The following ADGRL2 variants were observed in gnomAD, a reference collection of about 807,000 sequenced individuals.
The protein encoded by ADGRL2 is calcium-independent alpha-latrotoxin receptor 2.
In ADGRL2, 44 loss-of-function variants were observed where a neutral mutation model predicts 157.4. The ratio of observed to expected loss-of-function variants is 0.28; its 90% CI spans 0.22 to 0.36. ADGRL2 has a LOEUF of 0.36. ADGRL2 is among the 10% of genes least tolerant of loss of function. The pLI, the probability that ADGRL2 is intolerant of heterozygous loss-of-function variation, is 1.00. For missense variants in ADGRL2, 1,510 were observed against 1,768.9 expected (o/e 0.85, Z 2.63); for synonymous variants, 585 against 624.7 (o/e 0.94, Z 0.95).
At chr1:81,599,564 G>A (rs1282820502) in intron 3 of ADGRL2, among the ~76,000 whole-genome samples, 1 of 152,028 alleles carries the variant, frequency 6.6e-6, no homozygotes, top group East Asian at 1.9e-4. Context: ...TTTCTTCTTG[G>A]GTGAAAAATA....
At chr1:81,720,177 T>C (rs1054249729) in intron 1 of ADGRL2, among the ~76,000 whole-genome samples, 5 of 145,876 alleles carry the variant, frequency 3.4e-5, no homozygotes, top group South Asian at 4.6e-4. Context: ...ATTCCTTTTT[T>C]TCTTTTCTTT....
At chr1:81,920,816 C>T (rs530398204) in intron 3 of ADGRL2, among the ~76,000 whole-genome samples, 2 of 148,668 alleles carry the variant, frequency 1.3e-5, no homozygotes, top group South Asian at 4.3e-4. Flanking sequence ...AGTGCTAATA[C>T]ATTATAGGAA....
At chr1:81,672,373 A>C (rs1278626153) in intron 3 of ADGRL2, among the ~76,000 whole-genome samples, 1 of 152,182 alleles carries the variant, frequency 6.6e-6, no homozygotes, top group Non-Finnish European at 1.5e-5. Context: ...GTAACTTTCT[A>C]ACTATTCAAG....
At chr1:81,414,855 G>T (rs2077007098) in intron 1 of ADGRL2, among the ~76,000 whole-genome samples, 2 of 152,072 alleles carry the variant, frequency 1.3e-5, no homozygotes, top group East Asian at 3.9e-4. Context: ...TTTATAATTC[G>T]ATTTCACTCT....
Position 81,981,925 on chromosome 1 carries a change from T to C in ADGRL2, c.3231T>C (p.Asn1077=). ...TGGCATATCTCTTCACTATATTTAATGCTTTCCAGGGAGTGTTCATTTTCA... is the reference window on the plus strand; with the variant it reads ...TGGCATATCTCTTCACTATATTTAACGCTTTCCAGGGAGTGTTCATTTTCA... ...IVMAYLFTIF[N]AFQGVFIFIF... The change falls in exon 19 of 24, where the codon AAT becomes AAC. Residue 1077 remains asparagine (N), a synonymous_variant. Coordinates refer to ENST00000686636, the MANE Select transcript of ADGRL2 (RefSeq NM_001366006.2). 1 of 1,612,444 alleles carries C rather than the reference T, an allele frequency of 6.2e-7. No individual in the cohort carries two copies. The highest frequency in any genetic ancestry group is 8.5e-7 in the Non-Finnish European group (1 of 1,178,918).
At chr1:81,866,999 T>G (rs1051707368) in intron 2 of ADGRL2, among the ~76,000 whole-genome samples, 6 of 152,132 alleles carry the variant, frequency 3.9e-5, no homozygotes, top group Non-Finnish European at 8.8e-5. Context: ...AAGTAAGTGC[T>G]TCATTACTGG....
intron 1 of ADGRL2, among the ~76,000 whole-genome samples, chr1:81,399,348 T>C (rs965224963): frequency 5.3e-5 from 8 of 152,236 alleles, no homozygotes; most frequent in African/African-American, 1.9e-4. Context: ...TTTTCAGCTA[T>C]AATTTTATTA....
At chr1:81,718,307 C>T (rs1443449962) in intron 1 of ADGRL2, among the ~76,000 whole-genome samples, 3 of 152,140 alleles carry the variant, frequency 2.0e-5, no homozygotes, top group Non-Finnish European at 2.9e-5. Flanking sequence ...CGTGAGCCAC[C>T]GCATTTTGGG....
Position 81,990,422 on chromosome 1 carries a change from T to C in ADGRL2, c.3687T>C (p.Ser1229=), listed in dbSNP as rs372301182. The C allele has an allele frequency of 2.5e-6, 4 of 1,613,810 alleles. No individual in the cohort carries two copies. In the African/African-American group the frequency reaches 5.3e-5, roughly 22 times the overall value. Residue 1229 remains serine (S), a synonymous_variant, in exon 24 of 24, where the codon AGT becomes AGC. Coordinates refer to ENST00000686636, the MANE Select transcript of ADGRL2 (RefSeq NM_001366006.2). ...RHSLNNARDT[S]AMDTLPLNGN... is the part of the protein sequence containing the mutation. ...CACTGAACAATGCCAGGGATACAAG[T>C]GCCATGGATACTCTACCGCTAAATG...
At chr1:81,629,695 G>GTA (rs1260242389) in intron 3 of ADGRL2, among the ~76,000 whole-genome samples, 1 of 144,650 alleles carries the variant, frequency 6.9e-6, no homozygotes, top group Non-Finnish European at 1.5e-5. Flanking sequence ...GTGTGTGTGT[G>GTA]TGTATGTAGA....
chr1:81,792,752 G>C (rs1018587431), intron 2 of ADGRL2, among the ~76,000 whole-genome samples: 1 of 151,878 alleles, frequency 6.6e-6, no homozygotes, highest in Admixed American at 6.6e-5. Flanking sequence ...TAAGGAAACA[G>C]TATTTACAAT....
At chr1:81,825,459 C>T (rs919800676) in intron 1 of ADGRL2, among the ~76,000 whole-genome samples, 4 of 151,940 alleles carry the variant, frequency 2.6e-5, no homozygotes, top group African/African-American at 9.7e-5. Context: ...AGTGATTCCC[C>T]TGCCTCAGCC....
At chr1:81,657,009 CAAAAA>C (rs11383698) in intron 3 of ADGRL2, among the ~76,000 whole-genome samples, 1 of 109,272 alleles carries the variant, frequency 9.2e-6, no homozygotes. Flanking sequence ...GACCCTGTCT[CAAAAA>C]AAAAAAAAAA....
chr1:81,650,557 A>C (rs915828648), intron 3 of ADGRL2, among the ~76,000 whole-genome samples: 4 of 149,582 alleles, frequency 2.7e-5, no homozygotes, highest in Non-Finnish European at 5.9e-5. Context: ...GCCTGGCAAC[A>C]GAGTGAGACT....
intron 8 of ADGRL2, among the ~76,000 whole-genome samples, chr1:81,951,506 GGCATTAGTAACTTTAATATTGCAGT>G (rs896567104): frequency 1.1e-4 from 16 of 152,122 alleles, no homozygotes; most frequent in South Asian, 4.2e-4. Flanking sequence ...TACTTTAAAA[GGCATTAGTAACTTTAATATTGCAGT>G]GTAATGCAAT....
chr1:81,457,308 C>T (rs536953853), intron 2 of ADGRL2, among the ~76,000 whole-genome samples: 8 of 152,128 alleles, frequency 5.3e-5, no homozygotes, highest in Non-Finnish European at 1.2e-4. Flanking sequence ...TTTTTAAAAA[C>T]TTCAATATAC....
intron 1 of ADGRL2, among the ~76,000 whole-genome samples, chr1:81,411,387 C>A (rs1459575368): frequency 6.6e-6 from 1 of 152,138 alleles, no homozygotes; most frequent in East Asian, 1.9e-4. Context: ...ATGCCAGTCA[C>A]ATTCACACAT....
chr1:81,839,020 A>C (rs1056904967), intron 2 of ADGRL2, among the ~76,000 whole-genome samples: 2 of 152,068 alleles, frequency 1.3e-5, no homozygotes, highest in African/African-American at 4.8e-5. Context: ...AGAAAGTCTT[A>C]CATGACATCA....
chr1:81,888,039 T>C (rs1259091542), intron 2 of ADGRL2, among the ~76,000 whole-genome samples: 1 of 152,226 alleles, frequency 6.6e-6, no homozygotes, highest in South Asian at 2.1e-4. Context: ...TTGGAATTTA[T>C]CTTAAAAGAC....
Sources: gnomAD v4.1 joint callset for allele counts (sites outside exome capture counted in the v4.1 genomes callset) on GRCh38, gnomAD v4.1.1 for gene constraint, MANE v1.5 for transcripts, NCBI Gene and HGNC (gene_info 2026-07-23, HGNC 2026-07-21) for gene names.